HERC2: variants seen among roughly 807,000 people sequenced by gnomAD.
HERC2 encodes E3 ubiquitin-protein ligase HERC2.
HERC2 carries 102 observed loss-of-function variants against 537.7 expected under a neutral mutation model. The observed-to-expected ratio is 0.19, with a 90% CI of 0.16 to 0.22. The LOEUF is 0.22. Ranked by LOEUF, HERC2 falls within the 10% of genes least tolerant of loss-of-function variation. HERC2 has a pLI of 1.00. For missense variants in HERC2, 4,236 were observed against 6,198.2 expected, an observed-to-expected ratio of 0.68 and a Z score of 10.63; for synonymous variants, 2,224 against 2,466.2, an observed-to-expected ratio of 0.90 and a Z score of 2.91.
chr15:28,239,526 T>C (rs950843431), intron 23 of HERC2, among the ~76,000 whole-genome samples: 17 of 145,764 alleles, frequency 1.2e-4, no homozygotes, highest in African/African-American at 4.1e-4. Context: ...GAGGGCAAGG[T>C]TGGTAGGGGA....
In HERC2 at chr15:28,271,802, T is replaced by C. The variant is rs566815217; in HGVS notation, c.1083+413A>G. On this transcript the variant is annotated intron_variant, in intron 9 of 92. Transcript: ENST00000261609. ...GTAAAGACCAGCAGTCCTGGAGGTT[T>C]AGGCCCAGGGCCCCGCACGCCTGCT... is the stretch of plus-strand genomic sequence containing the variant. Among the ~76,000 whole-genome samples, 3 of 152,338 alleles carry C rather than the reference T, an allele frequency of 2.0e-5. No homozygotes were observed. In the South Asian group the frequency reaches 6.2e-4, roughly 32 times the overall value.
At position 28,202,385 on chromosome 15, in the gene HERC2, G is replaced by A. The variant is rs758946616; in HGVS notation, c.7442C>T (p.Ser2481Phe). Residue 2481 changes from serine (S) to phenylalanine (F), a missense_variant, in exon 46 of 93, where the codon TCT becomes TTT. Physicochemically the swap from Ser to Phe is radical, Grantham distance 155 (BLOSUM62 -2). Transcript: ENST00000261609. ...SRRNIEFALK[S>F]LTGASGNASS... Reference sequence around the variant, plus strand: ...TGCATTCCCGGAAGCACCAGTGAGAGACTTCAGGGCAAACTCGATGTTCCT... The same window carrying A: ...TGCATTCCCGGAAGCACCAGTGAGAAACTTCAGGGCAAACTCGATGTTCCT... The A allele has an allele frequency of 1.1e-4, 178 of 1,613,600 alleles. No individual in the cohort carries two copies. Among genetic ancestry groups the A allele is most frequent in the Non-Finnish European group, 1.5e-4 (174 of 1,179,784 alleles).
chr15:28,217,177 T>G (rs1295104800), intron 38 of HERC2, among the ~76,000 whole-genome samples: 1 of 152,150 alleles, frequency 6.6e-6, no homozygotes, highest in Non-Finnish European at 1.5e-5. Flanking sequence ...GACTTACACT[T>G]ACACTGGGTG....
intron 79 of HERC2, among the ~76,000 whole-genome samples, chr15:28,133,249 T>C (rs1890291464): frequency 6.6e-6 from 1 of 152,100 alleles, no homozygotes; most frequent in African/African-American, 2.4e-5. Context: ...ATTTAAGGAG[T>C]TTTAACATAT....
chr15:28,274,156 C>T, intron 7 of HERC2, 135 bp downstream of exon 7: 1 of 767,232 alleles, frequency 1.3e-6, no homozygotes, highest in Admixed American at 2.9e-5. Context: ...CCCGGAATCA[C>T]AGCACTGACA....
At chr15:28,170,931 C>T (rs1476573976) in intron 65 of HERC2, among the ~76,000 whole-genome samples, 2 of 152,018 alleles carry the variant, frequency 1.3e-5, no homozygotes, top group Non-Finnish European at 2.9e-5. Context: ...ATTAAAACCA[C>T]AATGAGATAC....
rs150374233 is a variant in HERC2, at chr15:28,213,943, G to A, written c.6585C>T (p.Ser2195=). 1.1e-5 allele frequency: 18 copies of A among 1,613,926 alleles called. No individual in the cohort carries two copies. The highest frequency in any genetic ancestry group is 1.0e-4 in the Admixed American group (6 of 59,984). The change falls in exon 42 of 93, where the codon TCC becomes TCT. Residue 2195 remains serine (S), a synonymous_variant. Transcript: ENST00000261609. ...GAQLEDYFPD[S]ENPEVGGLMA... Reference sequence around the variant, plus strand: ...TGAGGCCCCCCACTTCAGGGTTCTCGGAGTCGGGGAAGTAGTCCTCTAACT... The same window carrying A: ...TGAGGCCCCCCACTTCAGGGTTCTCAGAGTCGGGGAAGTAGTCCTCTAACT...
intron 20 of HERC2, among the ~76,000 whole-genome samples, chr15:28,253,301 T>C (rs565266577): frequency 6.6e-5 from 10 of 152,348 alleles, no homozygotes; most frequent in Middle Eastern, 3.4e-3. Flanking sequence ...ACATTGACTT[T>C]AGTTTTGAAA....
Position 28,130,493 on chromosome 15 carries a change from T to A in HERC2, c.12662+10A>T, listed in dbSNP as rs1889995202. 6.2e-7 allele frequency: 1 copy of A among 1,612,218 alleles called. No individual in the cohort carries two copies. Among genetic ancestry groups the A allele is most frequent in the South Asian group, 1.1e-5 (1 of 91,038 alleles). On this transcript the variant is annotated intron_variant, in intron 82 of 92. Coordinates refer to ENST00000261609, the MANE Select transcript of HERC2 (RefSeq NM_004667.6). ...TTTTAGTGGGTTTAAACAAACAGAA[T>A]CTTGCGTACCAGGTATAAACAGCTC... is the stretch of plus-strand genomic sequence containing the variant.
chr15:28,166,786 C>T (rs556927799), intron 68 of HERC2, among the ~76,000 whole-genome samples: 15 of 151,948 alleles, frequency 9.9e-5, no homozygotes, highest in East Asian at 5.8e-4. Context: ...GACCAGTCCA[C>T]GGGAGTCCCA....
At chr15:28,217,653 A>C (rs1900079270) in intron 38 of HERC2, among the ~76,000 whole-genome samples, 1 of 152,200 alleles carries the variant, frequency 6.6e-6, no homozygotes, top group Non-Finnish European at 1.5e-5. Context: ...GGAACCTCAG[A>C]ATATGATCTT....
chr15:28,164,207 T>C (rs1336770608), intron 68 of HERC2, among the ~76,000 whole-genome samples: 1 of 152,192 alleles, frequency 6.6e-6, no homozygotes, highest in Non-Finnish European at 1.5e-5. Context: ...CGCTTTTCTC[T>C]CCTGCTTTCT....
intron 37 of HERC2, among the ~76,000 whole-genome samples, chr15:28,220,061 T>C (rs1026710132): frequency 1.3e-5 from 2 of 152,124 alleles, no homozygotes; most frequent in Non-Finnish European, 2.9e-5. Flanking sequence ...GGGCTCTCAC[T>C]GGAGGAGGAG....
intron 78 of HERC2, among the ~76,000 whole-genome samples, chr15:28,140,314 TGC>T (rs1366353290): frequency 1.3e-5 from 2 of 151,968 alleles, no homozygotes; most frequent in Non-Finnish European, 2.9e-5. Flanking sequence ...AACCCCAGCC[TGC>T]ACCATGAGCT....
In HERC2 at chr15:28,168,399, G is replaced by C. The variant is rs540733711; in HGVS notation, c.10413+8C>G. 5.0e-6 allele frequency: 8 copies of C among 1,612,318 alleles called. No homozygotes were observed. Among genetic ancestry groups the C allele is most frequent in the Admixed American group, 3.3e-5 (2 of 59,820 alleles). ...TCTGATCTAACATTGCTTTAGATTC[G>C]CTTTTACCTCTCTCTTTTCTTGCCA... On this transcript the variant is annotated splice_region_variant and intron_variant, in intron 67 of 92. Coordinates refer to ENST00000261609, the MANE Select transcript of HERC2 (RefSeq NM_004667.6).
rs1444971989 is a variant in HERC2, at chr15:28,176,217, G to C, written c.9686+211C>G. On this transcript the variant is annotated intron_variant, in intron 63 of 92. Transcript: ENST00000261609. This position sits in a 1 kb window ranked among gnomAD's most constrained non-coding sequence, Gnocchi z 5.0. ...AGGTAAGTGGCCTAAAATTTTTCTA[G>C]TATTTTCAAAATGACCCAGTTACAA... 2.0e-5 allele frequency among the ~76,000 whole-genome samples: 3 copies of C among 152,190 alleles called. No individual in the cohort carries two copies. The highest frequency in any genetic ancestry group is 7.2e-5 in the African/African-American group (3 of 41,444).
rs1228095706 is a variant in HERC2, at chr15:28,228,332, G to A, written c.5350C>T (p.Arg1784Cys). 5 of 1,612,298 alleles carry A rather than the reference G, an allele frequency of 3.1e-6. No individual in the cohort carries two copies. The highest frequency in any genetic ancestry group is 1.1e-5 in the South Asian group (1 of 90,986). ...ATGCTGAGCATCACCAGGAGGAAGCGGGCTTGCGGGATGGTCCCCAGGCTC... is the reference window on the plus strand; with the variant it reads ...ATGCTGAGCATCACCAGGAGGAAGCAGGCTTGCGGGATGGTCCCCAGGCTC... Reference protein sequence around the residue: ...GPSLGTIPQARFLLVMLSMLT... With the variant: ...GPSLGTIPQACFLLVMLSMLT... The change falls in exon 35 of 93, where the codon CGC becomes TGC. Residue 1784 changes from arginine (R) to cysteine (C), a missense_variant. Arg to Cys is a radical substitution (Grantham distance 180). Around this residue, in one of 27 missense-constraint regions of HERC2, gnomAD observed 343 missense variants for 417.2 expected, o/e 0.82. Coordinates refer to ENST00000261609, the MANE Select transcript of HERC2 (RefSeq NM_004667.6).
chr15:28,307,706 A>G (rs1165933452), intron 2 of HERC2, among the ~76,000 whole-genome samples: 11 of 152,352 alleles, frequency 7.2e-5, no homozygotes, highest in Admixed American at 5.9e-4. Context: ...CAGAGAAGAT[A>G]CTTAACATAA....
At chr15:28,224,835 A>C (rs61329240) in intron 35 of HERC2, among the ~76,000 whole-genome samples, 13,866 of 152,256 alleles carry the variant, frequency 0.091, 2,134 homozygotes, top group African/African-American at 0.32. Context: ...TGAGAAATAA[A>C]AAAAAGAAAA....
Sources: gnomAD v4.1 joint callset for allele counts (sites outside exome capture counted in the v4.1 genomes callset) on GRCh38, gnomAD v4.1.1 for gene constraint, gnomAD v4.1.1 regional missense constraint, Gnocchi (gnomAD v3.1) non-coding constraint, MANE v1.5 for transcripts, NCBI Gene and HGNC (gene_info 2026-07-23, HGNC 2026-07-21) for gene names.